Variants in PCA3 observed in about 807,000 individuals in gnomAD.
PCA3 encodes prostate cancer associated 3, also known as Differential Display code 3.
chr9:76,771,920 T>G (rs2053157024), intron 2 of PCA3, among the ~76,000 whole-genome samples: 1 of 152,180 alleles, frequency 6.6e-6, no homozygotes. Flanking sequence ...AATGCTCACC[T>G]TGTGACAAGG....
chr9:76,773,078 T>C (rs1228524899), intron 2 of PCA3, among the ~76,000 whole-genome samples: 1 of 152,210 alleles, frequency 6.6e-6, no homozygotes, highest in Non-Finnish European at 1.5e-5. Flanking sequence ...TACATTGAAA[T>C]TTATAACCTG....
intron 2 of PCA3, among the ~76,000 whole-genome samples, chr9:76,783,420 A>G (rs575733130): frequency 6.6e-6 from 1 of 152,270 alleles, no homozygotes; most frequent in South Asian, 2.1e-4. Context: ...TACAGGTGTG[A>G]GCCACTGCTC....
At position 76,783,610 on chromosome 9, in the gene PCA3, G is replaced by A. The variant is rs529317427; in HGVS notation, n.853-24973G>A. On this transcript the variant is annotated intron_variant and non_coding_transcript_variant, in intron 2 of 5. Transcript: ENST00000644657. Reference sequence around the variant, plus strand: ...AACAGAGAGGGTGTTTGTGATGCTCGGAAACCAATAATATTGTGTGTAGCT... The same window carrying A: ...AACAGAGAGGGTGTTTGTGATGCTCAGAAACCAATAATATTGTGTGTAGCT... The A allele has an allele frequency of 7.2e-5, 11 of 152,276 alleles. 2 individuals carry two copies. Among genetic ancestry groups the A allele is most frequent in the South Asian group, 4.2e-4 (2 of 4,818 alleles). The allele number at this position is 152,276 out of a possible 1,614,324, so 9.4% of individuals were successfully genotyped here.
intron 2 of PCA3, chr9:76,787,210 G>A (rs1425501393): frequency 2.0e-5 from 3 of 149,674 alleles, no homozygotes; most frequent in Admixed American, 6.7e-5. Flanking sequence ...TATCAACTTT[G>A]ATTCTTTGTT....
intron 2 of PCA3, among the ~76,000 whole-genome samples, chr9:76,768,577 ATATGTATGTGTGTG>A (rs1258703608): frequency 1.3e-4 from 13 of 98,190 alleles, no homozygotes; most frequent in East Asian, 3.6e-4. Context: ...ATATATATGT[ATATGTATGTGTGTG>A]TGTGTGTGTG....
At chr9:76,770,922 A>C (rs958503715) in intron 2 of PCA3, among the ~76,000 whole-genome samples, 3 of 152,176 alleles carry the variant, frequency 2.0e-5, no homozygotes, top group African/African-American at 7.2e-5. Context: ...ATTAAATTTC[A>C]AAAAATCTGA....
At chr9:76,765,994 A>G (rs1383064094) in intron 2 of PCA3, among the ~76,000 whole-genome samples, 1 of 152,072 alleles carries the variant, frequency 6.6e-6, no homozygotes, top group East Asian at 1.9e-4. Flanking sequence ...CATCCTGGCC[A>G]ACATGATGAA....
intron 2 of PCA3, chr9:76,785,066 G>A (rs1369811775): frequency 6.6e-6 from 1 of 151,786 alleles, no homozygotes; most frequent in Non-Finnish European, 1.5e-5. Flanking sequence ...GCTTAGCCTT[G>A]TACTGAGGCT....
intron 2 of PCA3, among the ~76,000 whole-genome samples, chr9:76,767,255 C>T (rs1410521094): frequency 1.3e-5 from 2 of 151,950 alleles, no homozygotes; most frequent in Non-Finnish European, 2.9e-5. Context: ...AGTTCAAGAC[C>T]GGCCTGACCA....
In PCA3 at chr9:76,767,820, G is replaced by C. The variant is rs530644163; in HGVS notation, n.852+31205G>C. ...GCACACTGGCTCCTATCTTCTATCCGAACACTGTCCTTTTCGGTGTTTTCA... is the reference window on the plus strand; with the variant it reads ...GCACACTGGCTCCTATCTTCTATCCCAACACTGTCCTTTTCGGTGTTTTCA... On this transcript the variant is annotated intron_variant and non_coding_transcript_variant, in intron 2 of 5. Transcript: ENST00000644657. Among the ~76,000 whole-genome samples the C allele has an allele frequency of 3.9e-5, 6 of 152,256 alleles. No individual in the cohort carries two copies. The South Asian group carries it at 1.2e-3, about 32-fold the overall frequency.
At chr9:76,786,867 G>C (rs1418880220) in intron 2 of PCA3, 3 of 152,112 alleles carry the variant, frequency 2.0e-5, no homozygotes, top group Non-Finnish European at 4.4e-5. Context: ...CCCCAATGTA[G>C]CCATGCAAAT....
Position 76,768,155 on chromosome 9 carries a change from G to C in PCA3, n.852+31540G>C, listed in dbSNP as rs116266488. Among the ~76,000 whole-genome samples, 317 of 151,948 alleles carry C rather than the reference G, an allele frequency of 2.1e-3. 3 individuals carry two copies. Among genetic ancestry groups the C allele is most frequent in the African/African-American group, 7.5e-3 (310 of 41,430 alleles). On this transcript the variant is annotated intron_variant and non_coding_transcript_variant, in intron 2 of 5. Coordinates refer to ENST00000644657, the Ensembl canonical transcript of PCA3. ...CTAATTCCCCTCCCCAGAAAGCTTGGCTATACCTTGCCCTTGAACTAGTAC... is the reference window on the plus strand; with the variant it reads ...CTAATTCCCCTCCCCAGAAAGCTTGCCTATACCTTGCCCTTGAACTAGTAC...
In PCA3 at chr9:76,779,584, T is replaced by C. The variant is rs556667016; in HGVS notation, n.853-28999T>C. The C allele has an allele frequency of 3.9e-5, 6 of 152,340 alleles. No homozygotes were observed. In the South Asian group the frequency reaches 8.3e-4, roughly 21 times the overall value. The allele number at this position is 152,340 out of a possible 1,614,324, so 9.4% of individuals were successfully genotyped here. On this transcript the variant is annotated intron_variant and non_coding_transcript_variant, in intron 2 of 5. Transcript: ENST00000644657. ...AAGGACAGCATTGTGGCTTGGACTT[T>C]ATAAGGTCTTTATTCAACTAAATAG...
intron 2 of PCA3, among the ~76,000 whole-genome samples, chr9:76,765,115 G>C (rs540756106): frequency 4.5e-4 from 69 of 152,268 alleles, no homozygotes; most frequent in African/African-American, 1.6e-3. Context: ...TTTGTTGGGG[G>C]CGTGACATTA....
At chr9:76,777,673 T>C (rs1398524167) in intron 2 of PCA3, among the ~76,000 whole-genome samples, 3 of 152,186 alleles carry the variant, frequency 2.0e-5, no homozygotes, top group African/African-American at 7.2e-5. Context: ...ACAATACATA[T>C]ATAAACAAGT....
chr9:76,774,468 T>TATTTATTTATTTATTTA (rs1564272983), intron 2 of PCA3, among the ~76,000 whole-genome samples: 4 of 144,624 alleles, frequency 2.8e-5, no homozygotes, highest in African/African-American at 1.0e-4. Flanking sequence ...TTTTTTTTTT[T>TATTTATTTATTTATTTA]TTTTTTTTTG....
At chr9:76,768,037 G>A (rs1272915706) in intron 2 of PCA3, among the ~76,000 whole-genome samples, 2 of 152,202 alleles carry the variant, frequency 1.3e-5, no homozygotes, top group Non-Finnish European at 1.5e-5. Context: ...GCATCACAGC[G>A]GCAGGTCAGA....
chr9:76,769,729 T>C (rs913381141), intron 2 of PCA3, among the ~76,000 whole-genome samples: 4 of 152,148 alleles, frequency 2.6e-5, no homozygotes, highest in African/African-American at 9.7e-5. Flanking sequence ...ATATATGTCG[T>C]TATATTCTGA....
intron 2 of PCA3, among the ~76,000 whole-genome samples, chr9:76,765,829 T>A (rs1468773477): frequency 1.3e-5 from 2 of 152,146 alleles, no homozygotes; most frequent in African/African-American, 4.8e-5. Flanking sequence ...GAGAGGTTAG[T>A]TTAGATAACC....
Sources: allele counts gnomAD v4.1 joint callset (sites outside exome capture counted in the v4.1 genomes callset), GRCh38; gene constraint gnomAD v4.1.1; transcripts MANE v1.5; gene names NCBI Gene and HGNC (gene_info 2026-07-23, HGNC 2026-07-21).